LARP1: variants seen among roughly 807,000 people sequenced by gnomAD.
LARP1 encodes La ribonucleoprotein 1, translational regulator.
A neutral mutation model predicts 122.7 loss-of-function variants in LARP1; 36 were observed. The observed-to-expected ratio is 0.29, with a 90% CI of 0.22 to 0.39. The LOEUF is 0.39. Ranked by LOEUF, LARP1 falls within the 10% of genes least tolerant of loss-of-function variation. The pLI, the probability that LARP1 is intolerant of heterozygous loss-of-function variation, is 1.00. For missense variants in LARP1, 1,040 were observed against 1,403.6 expected (o/e 0.74, Z 4.14); for synonymous variants, 539 against 528.7 (o/e 1.02, Z -0.27).
intron 1 of LARP1, among the ~76,000 whole-genome samples, chr5:154,705,184 A>G (rs1317194272): frequency 1.3e-5 from 2 of 151,884 alleles, no homozygotes; most frequent in Non-Finnish European, 2.9e-5. Flanking sequence ...ACACACAGCC[A>G]ACTAGCATAT....
intron 1 of LARP1, among the ~76,000 whole-genome samples, chr5:154,684,218 T>G (rs1862130): frequency 0.76 from 115,074 of 151,996 alleles, 43,978 homozygotes; most frequent in African/African-American, 0.88. Flanking sequence ...CAAGGCAGGA[T>G]AATTGCTTGA....
upstream of LARP1, among the ~76,000 whole-genome samples, chr5:154,753,340 G>A (rs947574584): frequency 2.6e-5 from 4 of 152,062 alleles, no homozygotes; most frequent in Non-Finnish European, 4.4e-5. Context: ...TAGCTACTTC[G>A]AAGGCTGAGG....
chr5:154,807,834 G>A (rs1351239858), intron 15 of LARP1, among the ~76,000 whole-genome samples: 1 of 152,184 alleles, frequency 6.6e-6, no homozygotes, highest in Non-Finnish European at 1.5e-5. Context: ...AATTACAGAC[G>A]TGAGCAACCT....
At chr5:154,769,579 C>T (rs1392340915) in intron 1 of LARP1, among the ~76,000 whole-genome samples, 1 of 152,104 alleles carries the variant, frequency 6.6e-6, no homozygotes, top group East Asian at 1.9e-4. Flanking sequence ...TGGCCAGAGG[C>T]CCTGGAGCAG....
At chr5:154,737,813 C>G (rs1756995223) in intron 1 of LARP1, among the ~76,000 whole-genome samples, 1 of 152,126 alleles carries the variant, frequency 6.6e-6, no homozygotes, top group Non-Finnish European at 1.5e-5. Flanking sequence ...GTTCCCCGCC[C>G]CTGCCCCTCC....
rs563100060 is a variant in LARP1 at position 154,784,264 on chromosome 5, A to G, written c.437-6061A>G. Among the ~76,000 whole-genome samples, 174 of 152,356 alleles carry G rather than the reference A, an allele frequency of 1.1e-3. 1 individual carries two copies. The highest frequency in any genetic ancestry group is 4.0e-3 in the African/African-American group (165 of 41,586). ...AAGCAGCCCTGTGGTCCCTGCCCCCAGGGGAGGGGCAGATAAGTAACCAGC... is the reference window on the plus strand; with the variant it reads ...AAGCAGCCCTGTGGTCCCTGCCCCCGGGGGAGGGGCAGATAAGTAACCAGC... On this transcript the variant is annotated intron_variant, in intron 1 of 18. Coordinates refer to ENST00000518297, the MANE Select transcript of LARP1 (RefSeq NM_033551.3).
chr5:154,713,137 C>A (rs765650891), intron 1 of LARP1: 2 of 1,607,676 alleles, frequency 1.2e-6, no homozygotes, highest in South Asian at 1.1e-5. Flanking sequence ...CCTGGTGAGT[C>A]CTAGCACTCT....
upstream of LARP1, among the ~76,000 whole-genome samples, chr5:154,708,902 C>T (rs773859915): frequency 5.3e-5 from 8 of 152,168 alleles, no homozygotes; most frequent in Admixed American, 3.3e-4. Context: ...TGAACCACTG[C>T]GCCTGGCCTA....
intron 1 of LARP1, among the ~76,000 whole-genome samples, chr5:154,766,221 G>C (rs1754939266): frequency 6.6e-6 from 1 of 152,228 alleles, no homozygotes; most frequent in Non-Finnish European, 1.5e-5. Context: ...ATTTTAGCTG[G>C]AAGGAGTGGA....
At chr5:154,712,639 G>A (rs1755272236), upstream of LARP1, among the ~76,000 whole-genome samples, 1 of 152,176 alleles carries the variant, frequency 6.6e-6, no homozygotes, top group South Asian at 2.1e-4. Context: ...GGAAGCCCAG[G>A]ACCAGGGCTG....
At chr5:154,725,304 G>C (rs1756136291) in intron 1 of LARP1, among the ~76,000 whole-genome samples, 1 of 151,058 alleles carries the variant, frequency 6.6e-6, no homozygotes, top group Non-Finnish European at 1.5e-5. Context: ...GCAGAGAATT[G>C]CTTGAACCTA....
upstream of LARP1, among the ~76,000 whole-genome samples, chr5:154,711,920 A>AG (rs938293774): frequency 2.0e-5 from 3 of 152,078 alleles, no homozygotes; most frequent in African/African-American, 7.2e-5. Context: ...CTCCCTAGGG[A>AG]GGGCCTCCTG....
intron 10 of LARP1, 141 bp downstream of exon 10, chr5:154,800,183 G>A: frequency 1.3e-6 from 1 of 741,040 alleles, no homozygotes; most frequent in Non-Finnish European, 2.1e-6. Context: ...GTGAGTTGAA[G>A]TTACCAGTAG....
chr5:154,691,631 A>C (rs1754213767), intron 1 of LARP1, among the ~76,000 whole-genome samples: 1 of 152,098 alleles, frequency 6.6e-6, no homozygotes, highest in Non-Finnish European at 1.5e-5. Flanking sequence ...AGGTCTGCAC[A>C]AGGTCAGGGA....
intron 1 of LARP1, among the ~76,000 whole-genome samples, chr5:154,720,151 A>G (rs1755771304): frequency 6.6e-6 from 1 of 152,066 alleles, no homozygotes; most frequent in Admixed American, 6.6e-5. Flanking sequence ...AGATCGCACC[A>G]CTGCATTCCA....
upstream of LARP1, among the ~76,000 whole-genome samples, chr5:154,711,869 C>T (rs1755239225): frequency 6.6e-6 from 1 of 152,168 alleles, no homozygotes; most frequent in African/African-American, 2.4e-5. Context: ...CTTCCAATGT[C>T]TCGTTCCTTG....
chr5:154,739,558 T>C (rs1326341473), intron 1 of LARP1, among the ~76,000 whole-genome samples: 1 of 152,164 alleles, frequency 6.6e-6, no homozygotes, highest in Non-Finnish European at 1.5e-5. Context: ...ATTGGTTCTA[T>C]GAAGACATTA....
chr5:154,753,064 C>T (rs1753588725), upstream of LARP1, among the ~76,000 whole-genome samples: 1 of 152,202 alleles, frequency 6.6e-6, no homozygotes, highest in African/African-American at 2.4e-5. Flanking sequence ...CAGGGCCTGG[C>T]CATGCTTGTT....
chr5:154,760,046 T>A lies in LARP1; in HGVS notation c.436+3853T>A, dbSNP rs151246695. Among the ~76,000 whole-genome samples the A allele has an allele frequency of 3.3e-3, 495 of 152,192 alleles. 9 individuals are homozygous for A. The East Asian group carries it at 0.062, about 19-fold the overall frequency. On this transcript the variant is annotated intron_variant, in intron 1 of 18. Transcript: ENST00000518297. ...CCTCCACCTCCCGGGTTCAAGCGAT[T>A]CTCCTGCCTCAGCCTTGAGAGTAGC...
Sources: gnomAD v4.1 joint callset for allele counts (sites outside exome capture counted in the v4.1 genomes callset) on GRCh38, gnomAD v4.1.1 for gene constraint, MANE v1.5 for transcripts, NCBI Gene and HGNC (gene_info 2026-07-23, HGNC 2026-07-21) for gene names.